Variants in SETBP1 observed in about 807,000 individuals in gnomAD.
SETBP1 encodes the protein SET binding protein 1.
SETBP1 carries 9 observed loss-of-function variants against 101.0 expected under a neutral mutation model. The ratio of observed to expected loss-of-function variants is 0.09; its 90% CI spans 0.05 to 0.16. The LOEUF is 0.16. Ranked by LOEUF, SETBP1 falls within the 10% of genes least tolerant of loss-of-function variation. The pLI is 1.00. For synonymous variants in SETBP1, 818 were observed against 788.5 expected (o/e 1.04, Z -0.63); for missense variants, 1,858 against 2,033.8 (o/e 0.91, Z 1.66).
At chr18:45,032,547 G>C (rs1291620936) in intron 4 of SETBP1, among the ~76,000 whole-genome samples, 2 of 152,148 alleles carry the variant, frequency 1.3e-5, no homozygotes, top group Non-Finnish European at 2.9e-5. Flanking sequence ...CTAGAATGAA[G>C]TAAAACTTAT....
intron 2 of SETBP1, among the ~76,000 whole-genome samples, chr18:44,794,354 AC>A (rs1258354334): frequency 6.6e-6 from 1 of 152,146 alleles, no homozygotes; most frequent in Non-Finnish European, 1.5e-5. Flanking sequence ...TAAATGCTGC[AC>A]CCCACCACCA....
chr18:44,739,267 A>G (rs900479895), intron 2 of SETBP1, among the ~76,000 whole-genome samples: 1 of 152,164 alleles, frequency 6.6e-6, no homozygotes, highest in African/African-American at 2.4e-5. Flanking sequence ...TAATATATTC[A>G]CAGGTTCCAG....
intron 2 of SETBP1, among the ~76,000 whole-genome samples, chr18:44,727,869 C>T (rs1216224116): frequency 6.6e-6 from 1 of 152,134 alleles, no homozygotes; most frequent in African/African-American, 2.4e-5. Flanking sequence ...TTATCTAACC[C>T]TCAAACACAG....
intron 3 of SETBP1, among the ~76,000 whole-genome samples, chr18:44,935,798 T>C (rs1393132481): frequency 6.6e-6 from 1 of 152,200 alleles, no homozygotes; most frequent in African/African-American, 2.4e-5. Context: ...TCCTCATTCA[T>C]TTAACTTTCT....
intron 3 of SETBP1, among the ~76,000 whole-genome samples, chr18:44,935,102 A>AGCCT (rs33972108): frequency 0.52 from 78,432 of 151,514 alleles, 20,500 homozygotes; most frequent in East Asian, 0.73. Flanking sequence ...CCACAAGGCC[A>AGCCT]GTCATCCTGG....
At chr18:44,722,812 T>G (rs1303590325) in intron 2 of SETBP1, among the ~76,000 whole-genome samples, 5 of 152,208 alleles carry the variant, frequency 3.3e-5, no homozygotes, top group African/African-American at 1.2e-4. Flanking sequence ...CTTCTAGGAT[T>G]CCAGATTGGC....
rs150136756 is a variant in SETBP1, at chr18:44,950,921, T to G, written c.1581T>G (p.Ala527=). ...KLPEIQHPKF[A]AKRRWTCSKP... is the part of the protein sequence containing the mutation. ...CAGAAATCCAGCATCCAAAATTTGC[T>G]GCAAAACGAAGGTGGACTTGCAGCA... Residue 527 remains alanine (A), a synonymous_variant, in exon 4 of 6, where the codon GCT becomes GCG. Coordinates refer to ENST00000649279, the MANE Select transcript of SETBP1 (RefSeq NM_015559.3). 616 of 1,614,006 alleles carry G rather than the reference T, an allele frequency of 3.8e-4. 11 individuals are homozygous for G. Among genetic ancestry groups the G allele is most frequent in the Non-Finnish European group, 5.7e-5 (67 of 1,180,038 alleles).
chr18:44,950,968 T>C lies in SETBP1; in HGVS notation c.1628T>C (p.Leu543Pro), dbSNP rs2071333724. 1.9e-6 allele frequency: 3 copies of C among 1,614,104 alleles called. No homozygotes were observed. The highest frequency in any genetic ancestry group is 2.5e-6 in the Non-Finnish European group (3 of 1,180,036). ...TCSKPKPSTM[L>P]REAVMATSDK... ...AGCAAACCAAAACCTAGCACCATGCTTCGAGAGGCAGTTATGGCCACCTCT... is the reference window on the plus strand; with the variant it reads ...AGCAAACCAAAACCTAGCACCATGCCTCGAGAGGCAGTTATGGCCACCTCT... Residue 543 changes from leucine (L) to proline (P), a missense_variant, in exon 4 of 6, where the codon CTT becomes CCT. This residue lies in a region of SETBP1 where 581 missense variants were observed against 535.1 expected (regional missense o/e 1.09). Coordinates refer to ENST00000649279, the MANE Select transcript of SETBP1 (RefSeq NM_015559.3).
intron 4 of SETBP1, among the ~76,000 whole-genome samples, chr18:45,026,817 C>A (rs767995268): frequency 6.6e-6 from 1 of 151,762 alleles, no homozygotes; most frequent in African/African-American, 2.4e-5. Flanking sequence ...TGTGTGCATG[C>A]GCGTGTACAC....
intron 2 of SETBP1, among the ~76,000 whole-genome samples, chr18:44,720,902 C>CT (rs1340982983): frequency 1.3e-4 from 10 of 74,292 alleles, no homozygotes; most frequent in South Asian, 1.4e-3. Flanking sequence ...AGCCCTCCAA[C>CT]CCCCACCCCC....
intron 2 of SETBP1, among the ~76,000 whole-genome samples, chr18:44,857,718 A>G (rs1417824507): frequency 1.3e-5 from 2 of 152,232 alleles, no homozygotes; most frequent in African/African-American, 2.4e-5. Flanking sequence ...TGAATCAGCC[A>G]GAAATTCTGG....
intron 4 of SETBP1, among the ~76,000 whole-genome samples, chr18:45,028,015 T>TTTA (rs2073204781): frequency 1.3e-5 from 2 of 151,978 alleles, no homozygotes; most frequent in African/African-American, 2.4e-5. Flanking sequence ...TTTATTTTAT[T>TTTA]TTATTATTAT....
chr18:44,734,773 G>A (rs1447747441), intron 2 of SETBP1, among the ~76,000 whole-genome samples: 2 of 151,930 alleles, frequency 1.3e-5, no homozygotes, highest in African/African-American at 4.8e-5. Flanking sequence ...CCATTGTTAC[G>A]TTTCTTCTTT....
rs2070199401 is a variant in SETBP1 at position 44,744,843 on chromosome 18, C to T, written c.486+43011C>T. ...GTGGCAGGCCGGCGGTTTGATCTCC[C>T]CTGAATGCTGTCCCCTCATTCGAGG... On this transcript the variant is annotated intron_variant, in intron 2 of 5. Coordinates refer to ENST00000649279, the MANE Select transcript of SETBP1 (RefSeq NM_015559.3). Among the ~76,000 whole-genome samples, 3 of 152,238 alleles carry T rather than the reference C, an allele frequency of 2.0e-5. No homozygotes were observed. The South Asian group carries it at 6.2e-4, about 32-fold the overall frequency.
upstream of SETBP1, among the ~76,000 whole-genome samples, chr18:44,680,568 G>A (rs954341862): frequency 5.9e-5 from 9 of 152,158 alleles, no homozygotes; most frequent in Non-Finnish European, 1.3e-4. Context: ...AGACCGGGCC[G>A]AGGGGGCGGG....
At chr18:44,910,349 G>GT (rs1315226324) in intron 3 of SETBP1, among the ~76,000 whole-genome samples, 1 of 152,164 alleles carries the variant, frequency 6.6e-6, no homozygotes, top group Non-Finnish European at 1.5e-5. Context: ...AAAGAAAGGT[G>GT]TTTTTTAGCA....
intron 4 of SETBP1, among the ~76,000 whole-genome samples, chr18:45,006,015 A>ATGATCTC (rs1264910176): frequency 3.0e-4 from 41 of 135,316 alleles, no homozygotes; most frequent in African/African-American, 1.2e-3. Flanking sequence ...GTGCAATGGC[A>ATGATCTC]TGATCTCAGC....
At chr18:44,694,274 C>CGATCTCG (rs1256632055) in intron 1 of SETBP1, among the ~76,000 whole-genome samples, 2 of 152,106 alleles carry the variant, frequency 1.3e-5, no homozygotes, top group African/African-American at 4.8e-5. Flanking sequence ...TGCAGTGGTG[C>CGATCTCG]GATCTCGGCT....
chr18:44,876,644 A>C, intron 3 of SETBP1: 2 of 1,551,684 alleles, frequency 1.3e-6, no homozygotes, highest in Non-Finnish European at 1.7e-6. Context: ...TTCCTGTCCC[A>C]GGAACGTGCC....
Sources: gnomAD v4.1 joint callset for allele counts (sites outside exome capture counted in the v4.1 genomes callset) on GRCh38, gnomAD v4.1.1 for gene constraint, gnomAD v4.1.1 regional missense constraint, MANE v1.5 for transcripts, NCBI Gene and HGNC (gene_info 2026-07-23, HGNC 2026-07-21) for gene names.